The following ZPBP variants were observed in gnomAD, a reference collection of about 807,000 sequenced individuals.
ZPBP encodes zona pellucida-binding protein 1.
In ZPBP, 26 loss-of-function variants were observed where a neutral mutation model predicts 44.8. The ratio of observed to expected loss-of-function variants is 0.58; its 90% CI spans 0.43 to 0.81. The LOEUF (loss-of-function observed/expected upper bound fraction) is 0.81, where lower values mean the gene tolerates loss of function less well. Ranked by LOEUF, ZPBP falls within the 30% of genes least tolerant of loss-of-function variation. The pLI is 0.00. For missense variants in ZPBP, 409 were observed against 434.0 expected (o/e 0.94, Z 0.51); for synonymous variants, 174 against 153.2 (o/e 1.14, Z -1.00).
intron 1 of ZPBP, chr7:49,917,532 T>C (rs529780746): frequency 1.3e-5 from 2 of 152,160 alleles, no homozygotes; most frequent in Non-Finnish European, 2.9e-5. Flanking sequence ...TGACCTATTA[T>C]ATAGGCACAG....
intron 7 of ZPBP, among the ~76,000 whole-genome samples, chr7:49,962,216 G>A (rs1795889077): frequency 6.6e-6 from 1 of 151,716 alleles, no homozygotes; most frequent in African/African-American, 2.4e-5. Context: ...ACAGACCAAA[G>A]TCCCTCATGA....
rs544261244 is a variant in ZPBP at position 49,953,366 on chromosome 7, G to A, written c.962-15744C>T. On this transcript the variant is annotated intron_variant, in intron 7 of 7. Transcript: ENST00000046087. Reference sequence around the variant, plus strand: ...GGGAAGAGGAACATCTATTTTGATAGCAATAGAGGGAATAGTGCCTGGCAG... The same window carrying A: ...GGGAAGAGGAACATCTATTTTGATAACAATAGAGGGAATAGTGCCTGGCAG... Among the ~76,000 whole-genome samples the A allele has an allele frequency of 3.9e-5, 6 of 152,246 alleles. No homozygotes were observed. The South Asian group carries it at 1.2e-3, about 32-fold the overall frequency.
intron 7 of ZPBP, among the ~76,000 whole-genome samples, chr7:49,948,345 G>A (rs979965673): frequency 3.9e-5 from 6 of 152,178 alleles, no homozygotes; most frequent in South Asian, 2.1e-4. Flanking sequence ...TTTCTTTTAC[G>A]TGATACCAAA....
intron 3 of ZPBP, among the ~76,000 whole-genome samples, chr7:50,068,662 C>G (rs556549520): frequency 6.6e-6 from 1 of 152,244 alleles, no homozygotes; most frequent in South Asian, 2.1e-4. Context: ...TCCGATCAGC[C>G]TTCTGATCTC....
At chr7:49,887,827 GA>G (rs1270757302) in intron 2 of ZPBP, among the ~76,000 whole-genome samples, 1 of 152,150 alleles carries the variant, frequency 6.6e-6, no homozygotes, top group African/African-American at 2.4e-5. Context: ...CCATCCCCCA[GA>G]AATATCTATT....
intron 2 of ZPBP, among the ~76,000 whole-genome samples, chr7:49,851,624 C>G (rs1370435891): frequency 6.6e-6 from 1 of 152,202 alleles, no homozygotes. Flanking sequence ...CTTCGGGAGG[C>G]CGAGGCGGGT....
intron 2 of ZPBP, among the ~76,000 whole-genome samples, chr7:49,894,070 T>C (rs556342789): frequency 2.0e-5 from 3 of 152,314 alleles, no homozygotes; most frequent in African/African-American, 7.2e-5. Context: ...AGATATGACA[T>C]AGACACCTAT....
chr7:50,093,025 G>A, intron 1 of ZPBP, 43 bp downstream of exon 1: 2 of 1,577,720 alleles, frequency 1.3e-6, no homozygotes, highest in Non-Finnish European at 1.7e-6. Flanking sequence ...GGGGGAAGCT[G>A]CGGTTGTCCC....
chr7:49,997,779 G>A (rs1304694258), intron 6 of ZPBP, among the ~76,000 whole-genome samples: 1 of 152,174 alleles, frequency 6.6e-6, no homozygotes, highest in Non-Finnish European at 1.5e-5. Context: ...GGTTAGAGAA[G>A]CCACTTGTGC....
intron 5 of ZPBP, among the ~76,000 whole-genome samples, chr7:50,021,214 A>G (rs917613626): frequency 4.6e-5 from 7 of 152,132 alleles, no homozygotes; most frequent in Admixed American, 4.6e-4. Flanking sequence ...TGCTGTATAA[A>G]AACTCTAAAT....
intron 2 of ZPBP, among the ~76,000 whole-genome samples, chr7:50,087,944 T>C (rs1802751940): frequency 6.6e-6 from 1 of 151,970 alleles, no homozygotes; most frequent in Non-Finnish European, 1.5e-5. Context: ...CTAGAATTAA[T>C]ATGGAATTGC....
At chr7:50,017,215 G>A (rs1233045150) in intron 6 of ZPBP, among the ~76,000 whole-genome samples, 4 of 152,160 alleles carry the variant, frequency 2.6e-5, no homozygotes, top group African/African-American at 9.7e-5. Flanking sequence ...GGGGTTGACA[G>A]GAGACAGTGA....
At chr7:50,080,640 T>C (rs1267554390) in intron 3 of ZPBP, among the ~76,000 whole-genome samples, 2 of 151,792 alleles carry the variant, frequency 1.3e-5, no homozygotes, top group Non-Finnish European at 3.0e-5. Flanking sequence ...GTAAAACATA[T>C]TTAAAACACA....
intron 4 of ZPBP, chr7:50,056,184 C>T (rs1295803156): frequency 2.0e-5 from 3 of 152,138 alleles, no homozygotes; most frequent in African/African-American, 4.8e-5. Flanking sequence ...AAATTTATTA[C>T]CTTATGGCTC....
At chr7:50,070,816 TG>T (rs1240506009) in intron 3 of ZPBP, among the ~76,000 whole-genome samples, 1 of 152,206 alleles carries the variant, frequency 6.6e-6, no homozygotes, top group Admixed American at 6.5e-5. Context: ...TGTATTATAT[TG>T]TTTTTTACTT....
intron 7 of ZPBP, among the ~76,000 whole-genome samples, chr7:49,980,811 T>C (rs1261022504): frequency 6.6e-6 from 1 of 152,086 alleles, no homozygotes; most frequent in Non-Finnish European, 1.5e-5. Flanking sequence ...ACATGAGATT[T>C]TGTGGGAACA....
At chr7:49,999,096 C>G (rs1395698119) in intron 6 of ZPBP, among the ~76,000 whole-genome samples, 1 of 151,734 alleles carries the variant, frequency 6.6e-6, no homozygotes, top group Non-Finnish European at 1.5e-5. Context: ...AATCCAAAAC[C>G]CAAAACACTT....
intron 1 of ZPBP, among the ~76,000 whole-genome samples, chr7:49,903,619 A>G (rs1001396238): frequency 1.3e-5 from 2 of 152,220 alleles, no homozygotes; most frequent in African/African-American, 4.8e-5. Flanking sequence ...GTGACTATAT[A>G]GGGTGGCAGA....
intron 1 of ZPBP, among the ~76,000 whole-genome samples, chr7:49,923,960 C>T (rs1456909114): frequency 6.6e-6 from 1 of 151,908 alleles, no homozygotes; most frequent in Non-Finnish European, 1.5e-5. Context: ...CCCGTCTCTA[C>T]AAAAATACAA....
Sources: allele counts gnomAD v4.1 joint callset (sites outside exome capture counted in the v4.1 genomes callset), GRCh38; gene constraint gnomAD v4.1.1; transcripts MANE v1.5; gene names NCBI Gene and HGNC (gene_info 2026-07-23, HGNC 2026-07-21).